CSMD1: variants seen among roughly 807,000 people sequenced by gnomAD.
The protein encoded by CSMD1 is CUB and sushi domain-containing protein 1.
Under a neutral mutation model 417.5 loss-of-function variants are expected in CSMD1, and 213 were observed. The observed-to-expected ratio is 0.51, with a 90% CI of 0.46 to 0.57. The LOEUF is 0.57. CSMD1 is among the 20% of genes least tolerant of loss of function. CSMD1 has a pLI of 0.00. For missense variants in CSMD1, 6,923 were observed against 4,529.7 expected, an observed-to-expected ratio of 1.53 and a Z score of -15.17; for synonymous variants, 2,862 against 1,736.8, an observed-to-expected ratio of 1.65 and a Z score of -16.11.
intron 1 of CSMD1, among the ~76,000 whole-genome samples, chr8:4,690,859 G>C (rs1486864834): frequency 6.6e-6 from 1 of 152,150 alleles, no homozygotes; most frequent in Non-Finnish European, 1.5e-5. Flanking sequence ...CTCCTGAGCA[G>C]CTGGGACTAT....
chr8:4,901,923 TGTCA>T (rs1265665823), intron 1 of CSMD1, among the ~76,000 whole-genome samples: 2 of 152,158 alleles, frequency 1.3e-5, no homozygotes, highest in Non-Finnish European at 2.9e-5. Context: ...TTAAAAAGAT[TGTCA>T]GTCAGATATT....
intron 26 of CSMD1, among the ~76,000 whole-genome samples, chr8:3,274,355 G>A (rs1337334460): frequency 6.6e-6 from 1 of 152,130 alleles, no homozygotes; most frequent in African/African-American, 2.4e-5. Flanking sequence ...CAACTATGTG[G>A]TCAATTTTGG....
intron 11 of CSMD1, among the ~76,000 whole-genome samples, chr8:3,471,695 T>C (rs1351132051): frequency 6.8e-6 from 1 of 147,706 alleles, no homozygotes; most frequent in African/African-American, 2.5e-5. Flanking sequence ...CCTTCCTTCT[T>C]CCTTTCTTCT....
intron 12 of CSMD1, among the ~76,000 whole-genome samples, chr8:3,416,406 A>C (rs1813155665): frequency 6.6e-6 from 1 of 152,098 alleles, no homozygotes; most frequent in Non-Finnish European, 1.5e-5. Context: ...AGAGAAATAG[A>C]GAAAAAGAAC....
rs1265791716 is a variant in CSMD1, at chr8:2,936,376, T to TAC, written c.*2208_*2209insGT. The TAC allele has an allele frequency of 6.6e-6, 1 of 150,422 alleles. No homozygotes were observed. The highest frequency in any genetic ancestry group is 6.7e-5 in the Admixed American group (1 of 14,996). 9.3% of individuals were successfully genotyped at this position (150,422 alleles called of 1,614,324 possible). Reference sequence around the variant, plus strand: ...CTCAAACTTAGATATGTACAATATATATATATATATATGTATGTATATATA... The same window carrying TAC: ...CTCAAACTTAGATATGTACAATATATACATATATATATATGTATGTATATATA... On this transcript the variant is annotated 3_prime_UTR_variant, in exon 70 of 70. Coordinates refer to ENST00000635120, the MANE Select transcript of CSMD1 (RefSeq NM_033225.6).
chr8:3,895,643 A>T (rs933800450), intron 5 of CSMD1, among the ~76,000 whole-genome samples: 15 of 152,330 alleles, frequency 9.8e-5, no homozygotes, highest in African/African-American at 3.4e-4. Context: ...ATCCTATCCT[A>T]AATAATTACT....
chr8:3,231,870 C>A (rs760887868), intron 26 of CSMD1, among the ~76,000 whole-genome samples: 1 of 152,136 alleles, frequency 6.6e-6, no homozygotes, highest in Non-Finnish European at 1.5e-5. Flanking sequence ...ATATCTAAGT[C>A]ATTAAGTCTG....
At chr8:3,974,570 C>T (rs899250174) in intron 5 of CSMD1, among the ~76,000 whole-genome samples, 2 of 151,866 alleles carry the variant, frequency 1.3e-5, no homozygotes, top group Admixed American at 6.6e-5. Context: ...GCTTTCAGAA[C>T]TAGTGGCAAT....
intron 2 of CSMD1, among the ~76,000 whole-genome samples, chr8:4,486,003 T>A (rs568916784): frequency 1.7e-4 from 26 of 151,882 alleles, no homozygotes; most frequent in African/African-American, 5.8e-4. Context: ...TCCCTCCTTA[T>A]GTAATAGCAA....
intron 12 of CSMD1, among the ~76,000 whole-genome samples, chr8:3,437,326 G>A (rs1284012944): frequency 6.6e-6 from 1 of 152,010 alleles, no homozygotes; most frequent in East Asian, 1.9e-4. Flanking sequence ...CATTATTATT[G>A]GCCTCAACTC....
At chr8:3,019,351 T>C (rs940819941) in intron 51 of CSMD1, among the ~76,000 whole-genome samples, 2 of 152,154 alleles carry the variant, frequency 1.3e-5, no homozygotes, top group African/African-American at 4.8e-5. Context: ...TTTCTTTCCA[T>C]ATCAATCCCA....
intron 3 of CSMD1, among the ~76,000 whole-genome samples, chr8:4,240,281 G>A (rs1183668849): frequency 1.3e-5 from 2 of 152,198 alleles, no homozygotes; most frequent in East Asian, 1.9e-4. Flanking sequence ...GGAAACCTCT[G>A]ATTGCTTTGA....
intron 2 of CSMD1, among the ~76,000 whole-genome samples, chr8:4,559,453 A>T (rs1408813768): frequency 2.0e-5 from 3 of 152,232 alleles, no homozygotes; most frequent in African/African-American, 7.2e-5. Context: ...AGGGGTTAAA[A>T]TATATAACCA....
intron 3 of CSMD1, among the ~76,000 whole-genome samples, chr8:4,117,145 G>A (rs559601519): frequency 1.3e-5 from 2 of 151,840 alleles, no homozygotes; most frequent in East Asian, 3.9e-4. Flanking sequence ...AAGGAGAAAA[G>A]ACAGACACGT....
At chr8:3,851,803 C>T (rs1311519321) in intron 5 of CSMD1, among the ~76,000 whole-genome samples, 15 of 152,034 alleles carry the variant, frequency 9.9e-5, no homozygotes, top group Admixed American at 8.5e-4. Flanking sequence ...GAGTAGAACA[C>T]GTGGTTCTAA....
intron 10 of CSMD1, among the ~76,000 whole-genome samples, chr8:3,549,579 G>T (rs755110051): frequency 6.6e-6 from 1 of 152,182 alleles, no homozygotes; most frequent in Admixed American, 6.5e-5. Context: ...ATTTGTTAAT[G>T]AATTACTGGA....
chr8:4,582,922 G>A (rs771760668), intron 2 of CSMD1, among the ~76,000 whole-genome samples: 2 of 152,222 alleles, frequency 1.3e-5, no homozygotes, highest in African/African-American at 2.4e-5. Flanking sequence ...CACACTCGGA[G>A]CAGCTGGCCG....
chr8:4,541,425 T>C (rs1021318652), intron 2 of CSMD1, among the ~76,000 whole-genome samples: 2 of 152,204 alleles, frequency 1.3e-5, no homozygotes, highest in African/African-American at 2.4e-5. Context: ...CACTTCTAAG[T>C]GGGCTCCACT....
chr8:3,586,406 A>G (rs1800604230), intron 8 of CSMD1, 146 bp from the exon 9 acceptor site: 2 of 664,446 alleles, frequency 3.0e-6, no homozygotes, highest in African/African-American at 1.8e-5. Flanking sequence ...GGTAGTATGT[A>G]TAGAGGCAAC....
Sources: allele counts gnomAD v4.1 joint callset (sites outside exome capture counted in the v4.1 genomes callset), GRCh38; gene constraint gnomAD v4.1.1; transcripts MANE v1.5; gene names NCBI Gene and HGNC (gene_info 2026-07-23, HGNC 2026-07-21).